MACF1: variants seen among roughly 807,000 people sequenced by gnomAD.
The protein encoded by MACF1 is microtubule actin crosslinking factor 1, also known as microtubule-actin cross-linking factor 1.
A neutral mutation model predicts 854.8 loss-of-function variants in MACF1; 193 were observed. That is an observed-to-expected ratio of 0.23 (90% CI 0.20 to 0.25). The LOEUF is 0.25. Ranked by LOEUF, MACF1 falls within the 10% of genes least tolerant of loss-of-function variation. MACF1 has a pLI of 1.00. For synonymous variants in MACF1, 3,185 were observed against 3,226.7 expected (o/e 0.99, Z 0.44); for missense variants, 7,722 against 8,929.1 (o/e 0.86, Z 5.45).
intron 58 of MACF1, among the ~76,000 whole-genome samples, chr1:39,418,853 A>C (rs1643426494): frequency 6.7e-6 from 1 of 149,656 alleles, no homozygotes; most frequent in Non-Finnish European, 1.5e-5. Context: ...ACAGTGTGAG[A>C]CCCTGTCTCA....
chr1:39,405,686 C>T (rs748020644), intron 58 of MACF1, among the ~76,000 whole-genome samples: 25 of 152,200 alleles, frequency 1.6e-4, no homozygotes, highest in Non-Finnish European at 3.4e-4. Flanking sequence ...ACACCAAATT[C>T]TGTACTTGGG....
At chr1:39,188,714 C>T (rs576953016) in intron 2 of MACF1, among the ~76,000 whole-genome samples, 1 of 152,344 alleles carries the variant, frequency 6.6e-6, no homozygotes, top group South Asian at 2.1e-4. Flanking sequence ...AAGCAATTCT[C>T]CTGCCACAGC....
chr1:39,200,044 T>C (rs771059956), upstream of MACF1, among the ~76,000 whole-genome samples: 3 of 152,228 alleles, frequency 2.0e-5, no homozygotes, highest in Non-Finnish European at 2.9e-5. Context: ...CTCCCATTCA[T>C]TAGTTCTTGA....
intron 26 of MACF1, among the ~76,000 whole-genome samples, chr1:39,314,567 TCTCA>T (rs71060309): frequency 0.21 from 23,845 of 114,622 alleles, 2,203 homozygotes; most frequent in Non-Finnish European, 0.27. Context: ...TCTCTCTCTC[TCTCA>T]CACACACACA....
At chr1:39,461,476 A>G (rs1046141664) in intron 92 of MACF1, among the ~76,000 whole-genome samples, 11 of 152,152 alleles carry the variant, frequency 7.2e-5, no homozygotes, top group African/African-American at 2.7e-4. Context: ...AAATCAAGAC[A>G]TAAATTTTTT....
intron 58 of MACF1, among the ~76,000 whole-genome samples, chr1:39,417,798 G>A (rs1226742448): frequency 3.1e-5 from 4 of 127,728 alleles, no homozygotes; most frequent in Non-Finnish European, 6.2e-5. Flanking sequence ...GGCTGGTCTC[G>A]AACTCCTGAC....
rs111880300 is a variant in MACF1 at position 39,442,242 on chromosome 1, C to T, written c.18870C>T (p.Asp6290=). The change falls in exon 76 of 101, where the codon GAC becomes GAT. Residue 6290 remains aspartate (D), a synonymous_variant. Coordinates refer to ENST00000564288, the MANE Select transcript of MACF1 (RefSeq NM_001394062.1). ...LMLKKATDET[D]RDIIREPLTE... is the part of the protein sequence containing the mutation. ...TAAAGAAAGCTACTGATGAGACGGACAGAGACATTATACGAGAACCACTGA... is the reference window on the plus strand; with the variant it reads ...TAAAGAAAGCTACTGATGAGACGGATAGAGACATTATACGAGAACCACTGA... The T allele has an allele frequency of 1.2e-6, 2 of 1,610,236 alleles. No individual in the cohort carries two copies. Among genetic ancestry groups the T allele is most frequent in the Non-Finnish European group, 1.7e-6 (2 of 1,178,942 alleles).
chr1:39,087,733 A>T (rs1370152581), intron 2 of MACF1, among the ~76,000 whole-genome samples: 1 of 152,136 alleles, frequency 6.6e-6, no homozygotes, highest in Non-Finnish European at 1.5e-5. Flanking sequence ...ATAGTTACAC[A>T]GGACTGGTAA....
At chr1:39,338,260 GTT>G (rs61377649) in intron 38 of MACF1, among the ~76,000 whole-genome samples, 11 of 74,046 alleles carry the variant, frequency 1.5e-4, no homozygotes, top group Admixed American at 4.6e-4. Flanking sequence ...TTTTTGGGTT[GTT>G]TTTTTTTTTT....
At chr1:39,096,346 G>A (rs959323497) in intron 2 of MACF1, among the ~76,000 whole-genome samples, 1 of 151,820 alleles carries the variant, frequency 6.6e-6, no homozygotes, top group African/African-American at 2.4e-5. Flanking sequence ...ACTATGACAA[G>A]GGCTATAGAA....
rs1642207128 is a variant in MACF1 at position 39,105,546 on chromosome 1, T to C, written c.220+21108T>C. 6 of 1,064,788 alleles carry C rather than the reference T, an allele frequency of 5.6e-6. No individual in the cohort carries two copies. The highest frequency in any genetic ancestry group is 6.8e-6 in the Non-Finnish European group (6 of 880,168). The allele number at this position is 1,064,788 out of a possible 1,614,324, so 66.0% of individuals were successfully genotyped here. On this transcript the variant is annotated intron_variant, in intron 2 of 93. Transcript: ENST00000361689. This position sits in a 1 kb window ranked among gnomAD's most constrained non-coding sequence, Gnocchi z 5.9. ...TCTGAGACGCACAAAGGGTCGAGGCTGGGGCCGCCGCCGCCTCAGCGCGCG... is the reference window on the plus strand; with the variant it reads ...TCTGAGACGCACAAAGGGTCGAGGCCGGGGCCGCCGCCGCCTCAGCGCGCG...
At chr1:39,323,604 C>T (rs1423602112) in intron 33 of MACF1, among the ~76,000 whole-genome samples, 2 of 151,850 alleles carry the variant, frequency 1.3e-5, no homozygotes, top group African/African-American at 4.8e-5. Flanking sequence ...GGGGAAATAA[C>T]GTTAACTTAC....
chr1:39,274,443 A>G (rs537822723), intron 6 of MACF1, among the ~76,000 whole-genome samples: 1 of 152,154 alleles, frequency 6.6e-6, no homozygotes, highest in Non-Finnish European at 1.5e-5. Flanking sequence ...ACATGTACAG[A>G]CTTCATTATT....
At position 39,388,014 on chromosome 1, in the gene MACF1, G is replaced by A. The variant is rs1438762672; in HGVS notation, c.15172G>A (p.Val5058Met). 1.2e-5 allele frequency: 19 copies of A among 1,614,056 alleles called. No homozygotes were observed. Among genetic ancestry groups the A allele is most frequent in the Non-Finnish European group, 1.6e-5 (19 of 1,180,038 alleles). ...GGAGAAGCTAAGAGCTCAACAGGAA[G>A]TGCTGCAGGCCCTAGAGCCTCAGGT... is the stretch of plus-strand genomic sequence containing the variant. ...NLEKLRAQQE[V>M]LQALEPQVDY... Residue 5058 changes from valine to methionine, a missense_variant, in exon 58 of 101, where the codon GTG (valine) becomes ATG (methionine). By Grantham distance (21) the Val-to-Met change is conservative (BLOSUM62 1). Transcript: ENST00000564288.
intron 44 of MACF1, among the ~76,000 whole-genome samples, chr1:39,353,567 A>G (rs1647276626): frequency 6.6e-6 from 1 of 152,100 alleles, no homozygotes. Flanking sequence ...TGCCATTTGC[A>G]CTAATGAATT....
rs772012666 is a variant in MACF1 at position 39,334,839 on chromosome 1, A to G, written c.8251A>G (p.Ile2751Val). 11 of 1,614,070 alleles carry G rather than the reference A, an allele frequency of 6.8e-6. No homozygotes were observed. The highest frequency in any genetic ancestry group is 1.6e-4 in the Middle Eastern group (1 of 6,084). The change falls in exon 37 of 101, where the codon ATC becomes GTC. Residue 2751 changes from isoleucine (I) to valine (V), a missense_variant. By Grantham distance (29) the Ile-to-Val change is conservative. This residue lies in a region of MACF1 where 1,531 missense variants were observed against 1,601.6 expected (regional missense o/e 0.96). Coordinates refer to ENST00000564288, the MANE Select transcript of MACF1 (RefSeq NM_001394062.1). ...TLVEAIEKRL[I>V]SPELANMIQI... ...AGTAGAAGCTATTGAGAAAAGACTG[A>G]TCAGCCCTGAACTGGCAAATATGAT... is the stretch of plus-strand genomic sequence containing the variant.
At chr1:39,472,829 C>T (rs1027943496) in intron 97 of MACF1, among the ~76,000 whole-genome samples, 6 of 152,192 alleles carry the variant, frequency 3.9e-5, no homozygotes, top group Non-Finnish European at 8.8e-5. Flanking sequence ...AGACAAGCCT[C>T]TAAAGCCCCA....
intron 92 of MACF1, among the ~76,000 whole-genome samples, chr1:39,461,043 C>T (rs1463462029): frequency 1.4e-5 from 2 of 144,182 alleles, no homozygotes; most frequent in African/African-American, 5.2e-5. Context: ...GTAATCGTGC[C>T]AGTGAACTCT....
In MACF1 at chr1:39,251,467, G is replaced by A. The variant is rs534454238; in HGVS notation, c.262-379G>A. ...TGCTTACGTAATAAGTTGAAACTAT[G>A]TCAATCTAATTTCTTTTCCTAACCT... On this transcript the variant is annotated intron_variant, in intron 3 of 100. Transcript: ENST00000564288. 1.0e-3 allele frequency among the ~76,000 whole-genome samples: 152 copies of A among 152,314 alleles called. 1 individual carries two copies. Among genetic ancestry groups the A allele is most frequent in the African/African-American group, 3.5e-3 (145 of 41,572 alleles).
Sources: allele counts gnomAD v4.1 joint callset (sites outside exome capture counted in the v4.1 genomes callset), GRCh38; gene constraint gnomAD v4.1.1; regional missense constraint gnomAD v4.1.1; non-coding constraint Gnocchi (gnomAD v3.1); transcripts MANE v1.5; gene names NCBI Gene and HGNC (gene_info 2026-07-23, HGNC 2026-07-21).